The following FRMPD4 variants were observed in gnomAD, a reference collection of about 807,000 sequenced individuals.
FRMPD4 encodes the protein FERM and PDZ domain containing 4.
A neutral mutation model predicts 94.1 loss-of-function variants in FRMPD4; 22 were observed. The ratio of observed to expected loss-of-function variants is 0.23; its 90% confidence interval spans 0.17 to 0.33. FRMPD4 has a LOEUF of 0.33. Ranked by LOEUF, FRMPD4 falls within the 10% of genes least tolerant of loss-of-function variation. The pLI is 1.00. For synonymous variants in FRMPD4, 631 were observed against 548.6 expected (o/e 1.15, Z -2.10); for missense variants, 1,111 against 1,339.9 (o/e 0.83, Z 2.67).
intron 3 of FRMPD4, among the ~76,000 whole-genome samples, chrX:12,075,642 G>A (rs1308141906): frequency 8.9e-6 from 1 of 111,880 alleles, no homozygotes; most frequent in Non-Finnish European, 1.9e-5. Flanking sequence ...CAGCCAACTA[G>A]CATTGTGGGA....
At chrX:12,360,720 A>G (rs769423911) in intron 1 of FRMPD4, among the ~76,000 whole-genome samples, 2 of 111,740 alleles carry the variant, frequency 1.8e-5, no homozygotes, top group Non-Finnish European at 3.8e-5. Context: ...TTGATTGCCA[A>G]ACTCTGAGTC....
intron 2 of FRMPD4, among the ~76,000 whole-genome samples, chrX:12,591,755 A>G: frequency 9.0e-6 from 1 of 111,646 alleles, no homozygotes; most frequent in South Asian, 3.8e-4. Context: ...GACCTTATCT[A>G]CTGATTACTT....
At chrX:12,400,088 G>A (rs1272441150) in intron 1 of FRMPD4, among the ~76,000 whole-genome samples, 4 of 111,798 alleles carry the variant, frequency 3.6e-5, no homozygotes, top group Non-Finnish European at 7.5e-5. Context: ...TCCCCAGACA[G>A]GGGAAAGTGA....
At chrX:12,099,916 C>A in intron 3 of FRMPD4, among the ~76,000 whole-genome samples, 1 of 112,492 alleles carries the variant, frequency 8.9e-6, no homozygotes, top group East Asian at 2.8e-4. Context: ...GGAATACAAT[C>A]TAACTCAGAG....
chrX:12,025,605 A>G (rs2054655721), intron 3 of FRMPD4, among the ~76,000 whole-genome samples: 1 of 111,843 alleles, frequency 8.9e-6, no homozygotes, highest in Non-Finnish European at 1.9e-5. Context: ...ATTAGGTTAC[A>G]AAAGACTGAC....
rs774562451 is a variant in FRMPD4, at chrX:12,716,828, A to C, written c.2369A>C (p.Glu790Ala). 3.9e-5 allele frequency: 47 copies of C among 1,210,238 alleles called. No homozygotes were observed. The highest frequency in any genetic ancestry group is 7.0e-5 in the African/African-American group (4 of 57,271). ...GACCTCACATCCCTGCCCCCTCCAG[A>C]AGGTGATGACAATGAGGATGACTTC... ...IIDLTSLPPP[E>A]GDDNEDDFLL... The change falls in exon 15 of 17, where the codon GAA (glutamate) becomes GCA (alanine). Residue 790 changes from glutamate to alanine, a missense_variant. Transcript: ENST00000675598.
intron 3 of FRMPD4, among the ~76,000 whole-genome samples, chrX:11,905,194 G>T (rs749161827): frequency 1.8e-5 from 2 of 112,056 alleles, no homozygotes; most frequent in East Asian, 5.6e-4. Context: ...ATACTTTATT[G>T]CCCGACAAAA....
chrX:12,272,409 A>G (rs1428161200), intron 1 of FRMPD4, among the ~76,000 whole-genome samples: 2 of 111,610 alleles, frequency 1.8e-5, no homozygotes, highest in Non-Finnish European at 3.8e-5. Context: ...AGTCAAGTCA[A>G]TGAAGTGGAG....
intron 1 of FRMPD4, among the ~76,000 whole-genome samples, chrX:12,413,201 T>C (rs951798249): frequency 2.7e-5 from 3 of 111,937 alleles, no homozygotes; most frequent in African/African-American, 9.7e-5. Context: ...AGTCGGTATA[T>C]AGATATCCCA....
At chrX:12,000,679 A>T (rs2054520103) in intron 3 of FRMPD4, among the ~76,000 whole-genome samples, 1 of 111,111 alleles carries the variant, frequency 9.0e-6, no homozygotes, top group South Asian at 3.8e-4. Flanking sequence ...TCCAGACTGA[A>T]CTCAGGCATC....
intron 1 of FRMPD4, among the ~76,000 whole-genome samples, chrX:12,324,900 C>T (rs184602220): frequency 1.8e-5 from 2 of 112,032 alleles, no homozygotes; most frequent in Non-Finnish European, 3.8e-5. Context: ...TATCTGTGTA[C>T]AAGAACAGTT....
At chrX:11,932,269 T>C (rs982379651) in intron 3 of FRMPD4, among the ~76,000 whole-genome samples, 4 of 112,055 alleles carry the variant, frequency 3.6e-5, no homozygotes, top group African/African-American at 1.3e-4. Flanking sequence ...AAAAACTTAA[T>C]AAAATGAAAA....
At chrX:11,829,906 GGACCAACAGTTTGT>G (rs985612675) in intron 1 of FRMPD4, among the ~76,000 whole-genome samples, 2 of 111,935 alleles carry the variant, frequency 1.8e-5, no homozygotes, top group African/African-American at 6.5e-5. Context: ...TTTCACTTAG[GGACCAACAGTTTGT>G]GACCCTTGCT....
intron 2 of FRMPD4, among the ~76,000 whole-genome samples, chrX:12,589,489 G>A (rs2058962542): frequency 1.8e-5 from 2 of 111,558 alleles, no homozygotes; most frequent in Non-Finnish European, 3.8e-5. Flanking sequence ...CACAGAAAAG[G>A]TTTATCTTTT....
chrX:12,151,124 A>G (rs2055844272), intron 1 of FRMPD4, among the ~76,000 whole-genome samples: 1 of 111,927 alleles, frequency 8.9e-6, no homozygotes, highest in African/African-American at 3.2e-5. Context: ...TACCTGTGAA[A>G]AAGCAGAAGG....
intron 1 of FRMPD4, among the ~76,000 whole-genome samples, chrX:12,158,672 G>A (rs1262156284): frequency 8.9e-6 from 1 of 111,811 alleles, no homozygotes; most frequent in Non-Finnish European, 1.9e-5. Context: ...ACATCTTTGT[G>A]TGTAGTTGTA....
intron 4 of FRMPD4, among the ~76,000 whole-genome samples, chrX:12,628,942 G>C (rs1043712989): frequency 2.7e-5 from 3 of 112,360 alleles, no homozygotes; most frequent in African/African-American, 6.5e-5. Flanking sequence ...GAAGGCAAAA[G>C]GTACGTCTTA....
chrX:12,512,354 A>T (rs1405690360), intron 2 of FRMPD4, among the ~76,000 whole-genome samples: 1 of 111,587 alleles, frequency 9.0e-6, no homozygotes, highest in Non-Finnish European at 1.9e-5. Flanking sequence ...TTAGCTATTT[A>T]TCCTGACGCT....
intron 1 of FRMPD4, among the ~76,000 whole-genome samples, chrX:12,230,923 A>ATAT (rs1201002885): frequency 1.3e-4 from 11 of 82,083 alleles, no homozygotes; most frequent in South Asian, 5.2e-4. Flanking sequence ...ATATTACTAT[A>ATAT]TTACTATATA....
Sources: allele counts gnomAD v4.1 joint callset (sites outside exome capture counted in the v4.1 genomes callset), GRCh38; gene constraint gnomAD v4.1.1; transcripts MANE v1.5; gene names NCBI Gene and HGNC (gene_info 2026-07-23, HGNC 2026-07-21).